Variants in COLQ observed in about 807,000 individuals in gnomAD.
COLQ encodes collagen like tail subunit of asymmetric acetylcholinesterase.
A neutral mutation model predicts 69.0 loss-of-function variants in COLQ; 48 were observed. The observed-to-expected ratio is 0.70, with a 90% CI of 0.55 to 0.88. The LOEUF is 0.88. Ranked by LOEUF, COLQ falls within the 40% of genes least tolerant of loss-of-function variation. The pLI, the probability that COLQ is intolerant of heterozygous loss-of-function variation, is 0.00. For missense variants in COLQ, 618 were observed against 594.6 expected, an observed-to-expected ratio of 1.04 and a Z score of -0.41; for synonymous variants, 217 against 211.2, an observed-to-expected ratio of 1.03 and a Z score of -0.24.
chr3:15,464,370 T>C (rs1412594364), intron 12 of COLQ, among the ~76,000 whole-genome samples: 1 of 152,180 alleles, frequency 6.6e-6, no homozygotes, highest in African/African-American at 2.4e-5. Flanking sequence ...AACAAGTCTA[T>C]TTCTATTTCT....
At chr3:15,468,335 T>G (rs1441215153) in intron 11 of COLQ, among the ~76,000 whole-genome samples, 1 of 141,974 alleles carries the variant, frequency 7.0e-6, no homozygotes. Flanking sequence ...TTTTTTTTTT[T>G]TTTTTTTTTT....
At position 15,456,563 on chromosome 3, in the gene COLQ, T is replaced by C. The variant is rs1021423005; in HGVS notation, c.971A>G (p.Asn324Ser). The C allele has an allele frequency of 4.3e-6, 7 of 1,614,078 alleles. No individual in the cohort carries two copies. Among genetic ancestry groups the C allele is most frequent in the Non-Finnish European group, 5.9e-6 (7 of 1,180,014 alleles). The part of the protein sequence containing the change: ...PRVPVIFVVN[N>S]QEELERLNTQ... ...GTTCAGCCTCTCAAGCTCCTCCTGG[T>C]TGTTGACCACAAAAATCTGCCAGAG... Residue 324 changes from asparagine to serine, a missense_variant, in exon 14 of 17, where the codon AAC becomes AGC. Physicochemically the swap from Asn to Ser is conservative, Grantham distance 46. Coordinates refer to ENST00000383788, the MANE Select transcript of COLQ (RefSeq NM_005677.4).
At chr3:15,465,610 CTTTTTT>C (rs71045163) in intron 12 of COLQ, among the ~76,000 whole-genome samples, 15 of 94,736 alleles carry the variant, frequency 1.6e-4, no homozygotes, top group South Asian at 3.6e-4. Context: ...CTTTCTACAT[CTTTTTT>C]TTTTTTTTTT....
chr3:15,503,543 C>T (rs1351364000), intron 1 of COLQ, among the ~76,000 whole-genome samples: 1 of 152,172 alleles, frequency 6.6e-6, no homozygotes, highest in African/African-American at 2.4e-5. Context: ...GGATAAGCCA[C>T]TAAAATGCTC....
At chr3:15,477,363 GTCACACTGTA>G (rs2062397614) in intron 5 of COLQ, 166 bp from the exon 6 acceptor site, 1 of 647,992 alleles carries the variant, frequency 1.5e-6, no homozygotes, top group Admixed American at 2.5e-5. Flanking sequence ...AGCCCTTGGT[GTCACACTGTA>G]TCATCAAATA....
intron 5 of COLQ, 146 bp from the exon 6 acceptor site, chr3:15,477,343 T>G: frequency 2.9e-6 from 2 of 693,846 alleles, no homozygotes; most frequent in East Asian, 2.7e-5. Context: ...CGAAGACTGA[T>G]GGCCTGACAA....
intron 12 of COLQ, 83 bp downstream of exon 12, chr3:15,466,258 C>T (rs1473142162): frequency 4.3e-6 from 4 of 936,714 alleles, no homozygotes; most frequent in African/African-American, 1.6e-5. Context: ...CACAAGGCAT[C>T]TCTGCTGGCA....
At chr3:15,507,375 G>T (rs144353126) in intron 1 of COLQ, among the ~76,000 whole-genome samples, 1 of 152,166 alleles carries the variant, frequency 6.6e-6, no homozygotes, top group Admixed American at 6.5e-5. Context: ...AGCAATTCAC[G>T]TCTCCTCCTA....
intron 16 of COLQ, among the ~76,000 whole-genome samples, chr3:15,453,211 C>T (rs2061973746): frequency 6.6e-6 from 1 of 152,186 alleles, no homozygotes; most frequent in African/African-American, 2.4e-5. Context: ...TTGGCAGGCG[C>T]CAGTGTGGAG....
chr3:15,465,106 G>A (rs2062177098), intron 12 of COLQ, among the ~76,000 whole-genome samples: 1 of 151,938 alleles, frequency 6.6e-6, no homozygotes, highest in Admixed American at 6.5e-5. Context: ...CCCGGGAGGT[G>A]GAGGTTGCAG....
At position 15,473,940 on chromosome 3, in the gene COLQ, G is replaced by C; in HGVS notation, c.636+60C>G. Reference sequence around the variant, plus strand: ...ACAAGGAGGCAGAGTTCTTTTTGTTGTGCTTGGAGGACCTGATATTTTTAT... The same window carrying C: ...ACAAGGAGGCAGAGTTCTTTTTGTTCTGCTTGGAGGACCTGATATTTTTAT... On this transcript the variant is annotated intron_variant, in intron 10 of 16. Coordinates refer to ENST00000383788, the MANE Select transcript of COLQ (RefSeq NM_005677.4). The surrounding 1 kb of genome is among the most constrained non-coding windows in gnomAD (Gnocchi z 4.0). The C allele has an allele frequency of 6.4e-7, 1 of 1,567,690 alleles. No individual in the cohort carries two copies. Among genetic ancestry groups the C allele is most frequent in the Non-Finnish European group, 8.8e-7 (1 of 1,138,782 alleles).
intron 1 of COLQ, among the ~76,000 whole-genome samples, chr3:15,510,017 A>C (rs1415117429): frequency 6.7e-6 from 1 of 149,632 alleles, no homozygotes; most frequent in Non-Finnish European, 1.5e-5. Flanking sequence ...CTAAAAATAC[A>C]AAAAAAAAAT....
chr3:15,474,812 G>A, intron 8 of COLQ, 113 bp downstream of exon 8: 1 of 1,236,038 alleles, frequency 8.1e-7, no homozygotes, highest in Admixed American at 1.7e-5. Context: ...GCTAGGGATG[G>A]TGGCTTCAGT....
chr3:15,472,478 T>G (rs1388199590), intron 10 of COLQ, among the ~76,000 whole-genome samples: 1 of 152,228 alleles, frequency 6.6e-6, no homozygotes, highest in Non-Finnish European at 1.5e-5. Flanking sequence ...TAAATAAAAC[T>G]TTAAGGTGAA....
chr3:15,470,634 GAAGC>G lies in COLQ; in HGVS notation c.637-22_637-19del. ...ATTTCACCCTGGAAAGAAGGAAAGA[GAAGC>G]AAGAGAGGACTTAGGGCATGTGGAG... On this transcript the variant is annotated intron_variant, in intron 10 of 16. Coordinates refer to ENST00000383788, the MANE Select transcript of COLQ (RefSeq NM_005677.4). 1 of 1,613,362 alleles carries G rather than the reference GAAGC, an allele frequency of 6.2e-7. No homozygotes were observed. Among genetic ancestry groups the G allele is most frequent in the Non-Finnish European group, 8.5e-7 (1 of 1,179,310 alleles).
At chr3:15,513,119 T>C (rs905651) in intron 1 of COLQ, among the ~76,000 whole-genome samples, 14,673 of 152,038 alleles carry the variant, frequency 0.097, 964 homozygotes, top group East Asian at 0.33. Flanking sequence ...GTGTCAAGAG[T>C]CTGGTGACCA....
chr3:15,493,847 G>A (rs757204225), intron 1 of COLQ, among the ~76,000 whole-genome samples: 2 of 152,250 alleles, frequency 1.3e-5, no homozygotes, highest in Non-Finnish European at 1.5e-5. Context: ...ACTTTGGGAG[G>A]CTGAGGTGGG....
At chr3:15,459,494 T>C (rs1430337752) in intron 12 of COLQ, among the ~76,000 whole-genome samples, 1 of 150,080 alleles carries the variant, frequency 6.7e-6, no homozygotes, top group East Asian at 1.9e-4. Context: ...TTTTTTTTTT[T>C]TGGAGACGGA....
chr3:15,456,512 C>T lies in COLQ; in HGVS notation c.1022G>A (p.Arg341Lys). The T allele has an allele frequency of 6.2e-7, 1 of 1,614,220 alleles. No individual in the cohort carries two copies. Among genetic ancestry groups the T allele is most frequent in the African/African-American group, 1.3e-5 (1 of 75,054 alleles). The part of the protein sequence containing the change: ...LNTQNAIAFR[R>K]DQRSLYFKDS... The stretch of plus-strand genomic sequence containing the variant: ...CTTGAAGTACAGAGATCTCTGGTCT[C>T]TGCGGAAGGCAATGGCGTTTTGGGT... The change falls in exon 14 of 17, where the codon AGA (arginine) becomes AAA (lysine). Residue 341 changes from arginine (R) to lysine (K), a missense_variant. Arg to Lys is a conservative substitution (Grantham distance 26, BLOSUM62 2). Transcript: ENST00000383788.
Sources: gnomAD v4.1 joint callset for allele counts (sites outside exome capture counted in the v4.1 genomes callset) on GRCh38, gnomAD v4.1.1 for gene constraint, Gnocchi (gnomAD v3.1) non-coding constraint, MANE v1.5 for transcripts, NCBI Gene and HGNC (gene_info 2026-07-23, HGNC 2026-07-21) for gene names.